Variants in SDK1 observed in about 807,000 individuals in gnomAD.
SDK1 encodes sidekick cell adhesion molecule 1, also known as protein sidekick-1.
A neutral mutation model predicts 245.5 loss-of-function variants in SDK1; 157 were observed. That is an observed-to-expected ratio of 0.64 (90% confidence interval 0.56 to 0.73). The LOEUF (loss-of-function observed/expected upper bound fraction) is 0.73. SDK1 is among the 30% of genes least tolerant of loss of function. SDK1 has a pLI of 0.00. For missense variants in SDK1, 3,583 were observed against 3,002.3 expected (o/e 1.19, Z -4.52); for synonymous variants, 1,647 against 1,278.5 (o/e 1.29, Z -6.15).
At chr7:4,058,614 A>C (rs1038065500) in intron 19 of SDK1, among the ~76,000 whole-genome samples, 1 of 152,208 alleles carries the variant, frequency 6.6e-6, no homozygotes. Flanking sequence ...GCATCTACTC[A>C]CTTATAAGAG....
At chr7:3,424,145 C>T (rs1286011077) in intron 1 of SDK1, among the ~76,000 whole-genome samples, 5 of 152,158 alleles carry the variant, frequency 3.3e-5, no homozygotes, top group South Asian at 4.1e-4. Context: ...CTCGTGACCT[C>T]AGGTGATCTG....
At chr7:4,214,556 C>G (rs1784681904) in intron 38 of SDK1, among the ~76,000 whole-genome samples, 1 of 152,196 alleles carries the variant, frequency 6.6e-6, no homozygotes, top group Admixed American at 6.5e-5. Context: ...CAGCTCCTTC[C>G]TTGGCTCTGC....
At chr7:4,207,476 G>A (rs1312256242) in intron 36 of SDK1, among the ~76,000 whole-genome samples, 2 of 152,180 alleles carry the variant, frequency 1.3e-5, no homozygotes, top group African/African-American at 2.4e-5. Context: ...AGAGGAAATG[G>A]CACCCCAGAG....
At chr7:3,925,075 C>T (rs1779721099) in intron 5 of SDK1, among the ~76,000 whole-genome samples, 3 of 152,118 alleles carry the variant, frequency 2.0e-5, no homozygotes, top group African/African-American at 7.2e-5. Flanking sequence ...CCTGTTGTAG[C>T]TCAGTCTGTC....
At chr7:3,894,957 A>C (rs1166685128) in intron 5 of SDK1, among the ~76,000 whole-genome samples, 1 of 152,064 alleles carries the variant, frequency 6.6e-6, no homozygotes, top group Non-Finnish European at 1.5e-5. Context: ...CTGGGATTAC[A>C]GGTGTGAGCC....
At chr7:3,405,810 C>T (rs200396440) in intron 1 of SDK1, among the ~76,000 whole-genome samples, 11 of 137,692 alleles carry the variant, frequency 8.0e-5, no homozygotes, top group Admixed American at 1.4e-4. Context: ...TCTTTTCTTT[C>T]TTTCTTTTTT....
chr7:3,744,611 A>G (rs1408311995), intron 4 of SDK1, among the ~76,000 whole-genome samples: 1 of 152,164 alleles, frequency 6.6e-6, no homozygotes, highest in Non-Finnish European at 1.5e-5. Flanking sequence ...GGAGATCGAG[A>G]CCATCCTGGC....
At chr7:3,592,927 CT>C (rs1399019316) in intron 1 of SDK1, among the ~76,000 whole-genome samples, 9 of 152,062 alleles carry the variant, frequency 5.9e-5, no homozygotes, top group East Asian at 3.9e-4. Flanking sequence ...CCTTGTCCTC[CT>C]GCCCTCTGCA....
chr7:3,757,660 C>T (rs1213520961), intron 4 of SDK1, among the ~76,000 whole-genome samples: 5 of 152,190 alleles, frequency 3.3e-5, no homozygotes, highest in African/African-American at 9.7e-5. Context: ...TCTCTCCAGG[C>T]GCAAGGTGCC....
intron 20 of SDK1, among the ~76,000 whole-genome samples, chr7:4,073,431 T>C (rs143561416): frequency 6.6e-6 from 1 of 152,362 alleles, no homozygotes; most frequent in Non-Finnish European, 1.5e-5. Flanking sequence ...CACTATATTA[T>C]CAATGTTGAT....
intron 1 of SDK1, among the ~76,000 whole-genome samples, chr7:3,513,481 A>C (rs768080697): frequency 1.3e-5 from 2 of 152,212 alleles, no homozygotes; most frequent in Admixed American, 6.5e-5. Flanking sequence ...TCAGTGCAAT[A>C]GAAGAAATCA....
chr7:3,663,148 G>C (rs980771427), intron 4 of SDK1, among the ~76,000 whole-genome samples: 1 of 152,164 alleles, frequency 6.6e-6, no homozygotes, highest in Non-Finnish European at 1.5e-5. Flanking sequence ...ATGGTAAGCA[G>C]AAAAATTGTT....
intron 1 of SDK1, among the ~76,000 whole-genome samples, chr7:3,574,095 G>T (rs1425487383): frequency 6.6e-6 from 1 of 151,758 alleles, no homozygotes; most frequent in East Asian, 1.9e-4. Flanking sequence ...TTCCTGATCA[G>T]ACTAGACATA....
At chr7:3,382,917 C>T (rs1157421274) in intron 1 of SDK1, among the ~76,000 whole-genome samples, 1 of 151,978 alleles carries the variant, frequency 6.6e-6, no homozygotes. Flanking sequence ...CATATATTCT[C>T]TTCTATTTTT....
At chr7:4,033,677 T>A (rs1157414148) in intron 17 of SDK1, among the ~76,000 whole-genome samples, 1 of 151,980 alleles carries the variant, frequency 6.6e-6, no homozygotes, top group East Asian at 1.9e-4. Context: ...TTCACAGAAG[T>A]GCAAATGGCC....
chr7:3,844,514 C>G (rs1257296750), intron 5 of SDK1, among the ~76,000 whole-genome samples: 1 of 152,102 alleles, frequency 6.6e-6, no homozygotes, highest in South Asian at 2.1e-4. Context: ...GAGCTGGGCA[C>G]CCACAGTGTT....
intron 1 of SDK1, among the ~76,000 whole-genome samples, chr7:3,561,048 T>C (rs1049318428): frequency 6.6e-6 from 1 of 152,194 alleles, no homozygotes; most frequent in African/African-American, 2.4e-5. Context: ...TTTTATGTGG[T>C]GAGGATATTG....
chr7:3,871,150 CT>C (rs200291112), intron 5 of SDK1, among the ~76,000 whole-genome samples: 8,005 of 143,216 alleles, frequency 0.056, 604 homozygotes, highest in African/African-American at 0.18. Flanking sequence ...TATTTCTTGA[CT>C]TTTTTTTTTT....
chr7:4,108,196 A>G (rs1783073115), intron 22 of SDK1, among the ~76,000 whole-genome samples: 1 of 152,026 alleles, frequency 6.6e-6, no homozygotes, highest in Non-Finnish European at 1.5e-5. Context: ...CTCTTCACAG[A>G]CGCGATGGAG....
Sources: allele counts gnomAD v4.1 joint callset (sites outside exome capture counted in the v4.1 genomes callset), GRCh38; gene constraint gnomAD v4.1.1; transcripts MANE v1.5; gene names NCBI Gene and HGNC (gene_info 2026-07-23, HGNC 2026-07-21).